Variants in KCNC1 observed in about 807,000 individuals in gnomAD.
KCNC1 encodes potassium voltage-gated channel subfamily C member 1.
In KCNC1, 8 loss-of-function variants were observed where a neutral mutation model predicts 43.4. The ratio of observed to expected loss-of-function variants is 0.18; its 90% CI spans 0.11 to 0.33. KCNC1 has a LOEUF of 0.33. Among genes scored for constraint, KCNC1 ranks in the 10% least tolerant of loss-of-function variants. The probability of loss-of-function intolerance (pLI) is 1.00; values close to 1 mark genes in which losing one functional copy is unlikely to be tolerated. For missense variants in KCNC1, 420 were observed against 836.0 expected, an observed-to-expected ratio of 0.50 and a Z score of 6.14; for synonymous variants, 361 against 360.5, an observed-to-expected ratio of 1.00 and a Z score of -0.01.
chr11:17,777,799 G>A lies in KCNC1; in HGVS notation c.1505-1657G>A, dbSNP rs201493294. On this transcript the variant is annotated intron_variant, in intron 2 of 3. Transcript: ENST00000265969. This position sits in a 1 kb window ranked among gnomAD's most constrained non-coding sequence, Gnocchi z 4.3. ...TGGGATTTTTTTGGATTTGCTTTACGAATAAATCTGATTGGTCCATTTCTC... is the reference window on the plus strand; with the variant it reads ...TGGGATTTTTTTGGATTTGCTTTACAAATAAATCTGATTGGTCCATTTCTC... The A allele has an allele frequency of 8.2e-5, 81 of 986,328 alleles. No individual in the cohort carries two copies. The African/African-American group carries it at 1.1e-3, about 14-fold the overall frequency. 61.1% of individuals were successfully genotyped at this position (986,328 alleles called of 1,614,324 possible).
intron 1 of KCNC1, among the ~76,000 whole-genome samples, chr11:17,754,233 ACT>A (rs927879832): frequency 6.6e-6 from 1 of 151,904 alleles, no homozygotes; most frequent in African/African-American, 2.4e-5. Flanking sequence ...TGTAATAAAC[ACT>A]CTGTGCAAAG....
At position 17,739,300 on chromosome 11, in the gene KCNC1, AAGAG is replaced by A. The variant is rs1257865385; in HGVS notation, c.570+2732_570+2735del. Among the ~76,000 whole-genome samples the A allele has an allele frequency of 6.6e-6, 1 of 151,946 alleles. No individual in the cohort carries two copies. The highest frequency in any genetic ancestry group is 1.5e-5 in the Non-Finnish European group (1 of 68,004). On this transcript the variant is annotated intron_variant, in intron 1 of 3. Coordinates refer to ENST00000265969, the MANE Select transcript of KCNC1 (RefSeq NM_001112741.2). The surrounding 1 kb of genome is among the most constrained non-coding windows in gnomAD (Gnocchi z 4.2). The stretch of plus-strand genomic sequence containing the variant: ...TATGTGTGAGACAGAGGCTCTTTGT[AAGAG>A]AGATTGTGTGTGAGTGTGAGAGACT...
At position 17,739,395 on chromosome 11, in the gene KCNC1, GT is replaced by G; in HGVS notation, c.570+2824del. Among the ~76,000 whole-genome samples, 1 of 113,092 alleles carries G rather than the reference GT, an allele frequency of 8.8e-6. No individual in the cohort carries two copies. The highest frequency in any genetic ancestry group is 3.1e-5 in the African/African-American group (1 of 32,338). The allele number at this position is 113,092 out of a possible 152,430, so 74.2% of individuals were successfully genotyped here. A position where few individuals can be genotyped will look rare whatever the true frequency, so the allele number is the denominator to read the frequency against. On this transcript the variant is annotated intron_variant, in intron 1 of 3. Coordinates refer to ENST00000265969, the MANE Select transcript of KCNC1 (RefSeq NM_001112741.2). This position sits in a 1 kb window ranked among gnomAD's most constrained non-coding sequence, Gnocchi z 4.2. ...TGTGTGTGTGTGTGTGTGTGTGTGT[GT>G]GTGGTGAGACTGCGACTCTGTGCGA...
At chr11:17,747,810 C>T (rs1848917705) in intron 1 of KCNC1, among the ~76,000 whole-genome samples, 2 of 152,306 alleles carry the variant, frequency 1.3e-5, no homozygotes, top group South Asian at 2.1e-4. Context: ...CCCTGGCCAG[C>T]CCCAGCCCTT....
At chr11:17,768,651 A>G (rs1849185481) in intron 1 of KCNC1, among the ~76,000 whole-genome samples, 1 of 144,044 alleles carries the variant, frequency 6.9e-6, no homozygotes, top group Admixed American at 7.2e-5. Flanking sequence ...GTCCTGGCTG[A>G]TGGGGCAGTG....
Position 17,736,437 on chromosome 11 carries a change from C to A in KCNC1, c.435C>A (p.Gly145=), listed in dbSNP as rs767598381. ...ACGGCCCTGGCGACTCGGGCGACGG[C>A]GAGGACGAGCTGGAGATGACCAAGC... is the stretch of plus-strand genomic sequence containing the variant. The part of the protein sequence containing the change: ...DADGPGDSGD[G]EDELEMTKRL... The change falls in exon 1 of 4, where the codon GGC becomes GGA. Residue 145 remains glycine, a synonymous_variant. Coordinates refer to ENST00000265969, the MANE Select transcript of KCNC1 (RefSeq NM_001112741.2). This position sits in a 1 kb window ranked among gnomAD's most constrained non-coding sequence, Gnocchi z 9.3. 1.6e-5 allele frequency: 26 copies of A among 1,605,688 alleles called. No individual in the cohort carries two copies. The highest frequency in any genetic ancestry group is 2.0e-5 in the Non-Finnish European group (24 of 1,178,132).
chr11:17,741,771 C>A (rs1054357540), intron 1 of KCNC1, among the ~76,000 whole-genome samples: 1 of 152,258 alleles, frequency 6.6e-6, no homozygotes, highest in Non-Finnish European at 1.5e-5. Flanking sequence ...AACCACCCAG[C>A]CTCGTTTCAG....
chr11:17,740,999 T>C (rs1020577522), intron 1 of KCNC1, among the ~76,000 whole-genome samples: 8 of 151,958 alleles, frequency 5.3e-5, no homozygotes, highest in African/African-American at 1.7e-4. Context: ...TATCAGGGGA[T>C]TCTAGGCAGT....
At chr11:17,745,574 C>G (rs536961718) in intron 1 of KCNC1, among the ~76,000 whole-genome samples, 1 of 152,276 alleles carries the variant, frequency 6.6e-6, no homozygotes, top group East Asian at 1.9e-4. Flanking sequence ...GCCCTCCGCT[C>G]CATCTCACGC....
In KCNC1 at chr11:17,735,673, C is replaced by T. The variant is rs1455635814; in HGVS notation, c.-330C>T. The stretch of plus-strand genomic sequence containing the variant: ...AGCCCGCCCCCCTCCCTCTTTCCCC[C>T]TCACTCCCTCCCTCCCTCCCTTTCT... On this transcript the variant is annotated 5_prime_UTR_variant, in exon 1 of 4. Coordinates refer to ENST00000265969, the MANE Select transcript of KCNC1 (RefSeq NM_001112741.2). This position sits in a 1 kb window ranked among gnomAD's most constrained non-coding sequence, Gnocchi z 6.7. The T allele has an allele frequency of 1.4e-5, 2 of 140,048 alleles. No homozygotes were observed. Among genetic ancestry groups the T allele is most frequent in the African/African-American group, 5.2e-5 (2 of 38,526 alleles). 8.7% of individuals were successfully genotyped at this position (140,048 alleles called of 1,614,324 possible).
At position 17,776,513 on chromosome 11, in the gene KCNC1, T is replaced by C; in HGVS notation, c.1505-2943T>C. 1 of 985,424 alleles carries C rather than the reference T, an allele frequency of 1.0e-6. No homozygotes were observed. The allele number at this position is 985,424 out of a possible 1,614,324, so 61.0% of individuals were successfully genotyped here. ...CTGAGGGCCCAGCCTCGGGTTCTCC[T>C]TGCTCCAAAGTTTAAAAAAAAATGA... On this transcript the variant is annotated intron_variant, in intron 2 of 3. Transcript: ENST00000265969. This position sits in a 1 kb window ranked among gnomAD's most constrained non-coding sequence, Gnocchi z 4.4.
chr11:17,744,696 G>A (rs543203525), intron 1 of KCNC1, among the ~76,000 whole-genome samples: 2 of 152,250 alleles, frequency 1.3e-5, no homozygotes, highest in South Asian at 4.2e-4. Context: ...CTTCTATGGT[G>A]TAGGGCTGCT....
Position 17,736,427 on chromosome 11 carries a change from C to G in KCNC1, c.425C>G (p.Ser142Trp). 6.2e-7 allele frequency: 1 copy of G among 1,607,102 alleles called. No individual in the cohort carries two copies. The highest frequency in any genetic ancestry group is 8.5e-7 in the Non-Finnish European group (1 of 1,178,250). Reference protein sequence around the residue: ...DDADADGPGDSGDGEDELEMT... With the variant: ...DDADADGPGDWGDGEDELEMT... ...GCGGACGCCGACGGCCCTGGCGACTCGGGCGACGGCGAGGACGAGCTGGAG... is the reference window on the plus strand; with the variant it reads ...GCGGACGCCGACGGCCCTGGCGACTGGGGCGACGGCGAGGACGAGCTGGAG... Residue 142 changes from serine to tryptophan, a missense_variant, in exon 1 of 4, where the codon TCG becomes TGG. Coordinates refer to ENST00000265969, the MANE Select transcript of KCNC1 (RefSeq NM_001112741.2). The surrounding 1 kb of genome is among the most constrained non-coding windows in gnomAD (Gnocchi z 9.3).
chr11:17,767,817 C>A (rs973408772), intron 1 of KCNC1, among the ~76,000 whole-genome samples: 1 of 152,236 alleles, frequency 6.6e-6, no homozygotes, highest in African/African-American at 2.4e-5. Flanking sequence ...GGTGTCTTTG[C>A]ACCTGGACCT....
In KCNC1 at chr11:17,736,425, C is replaced by G. The variant is rs977947782; in HGVS notation, c.423C>G (p.Asp141Glu). 2.5e-6 allele frequency: 4 copies of G among 1,607,820 alleles called. No homozygotes were observed. In the African/African-American group the frequency reaches 5.3e-5, roughly 21 times the overall value. ...ACGCGGACGCCGACGGCCCTGGCGA[C>G]TCGGGCGACGGCGAGGACGAGCTGG... is the stretch of plus-strand genomic sequence containing the variant. ...ADDADADGPGDSGDGEDELEM... is the reference protein window; with the variant it reads ...ADDADADGPGESGDGEDELEM... The change falls in exon 1 of 4, where the codon GAC becomes GAG. Residue 141 changes from aspartate to glutamate, a missense_variant. Transcript: ENST00000265969. This position sits in a 1 kb window ranked among gnomAD's most constrained non-coding sequence, Gnocchi z 9.3.
Position 17,781,508 on chromosome 11 carries a change from C to T in KCNC1, c.1694-162C>T, listed in dbSNP as rs1407500492. The T allele has an allele frequency of 1.5e-5, 9 of 606,892 alleles. No homozygotes were observed. The highest frequency in any genetic ancestry group is 1.8e-5 in the Non-Finnish European group (6 of 337,806). 37.6% of individuals were successfully genotyped at this position (606,892 alleles called of 1,614,324 possible). ...GAGGGAGAGAAAGAGGCGTGCTAGGCTGGCTCAGTGCATGGGCAAACCAAG... is the reference window on the plus strand; with the variant it reads ...GAGGGAGAGAAAGAGGCGTGCTAGGTTGGCTCAGTGCATGGGCAAACCAAG... On this transcript the variant is annotated intron_variant, in intron 3 of 3. Coordinates refer to ENST00000265969, the MANE Select transcript of KCNC1 (RefSeq NM_001112741.2). The surrounding 1 kb of genome is among the most constrained non-coding windows in gnomAD (Gnocchi z 5.1).
chr11:17,775,657 C>T, intron 2 of KCNC1: 1 of 985,734 alleles, frequency 1.0e-6, no homozygotes, highest in Non-Finnish European at 1.2e-6. Flanking sequence ...CTCCGTCCTG[C>T]CATGCCCATT....
At chr11:17,740,435 A>G (rs1848824737) in intron 1 of KCNC1, among the ~76,000 whole-genome samples, 1 of 152,002 alleles carries the variant, frequency 6.6e-6, no homozygotes, top group South Asian at 2.1e-4. Context: ...AACCAGGTGG[A>G]GAGGGCAGGG....
chr11:17,756,520 AACACACACACACACACACAC>A (rs3051818), intron 1 of KCNC1, among the ~76,000 whole-genome samples: 7 of 143,994 alleles, frequency 4.9e-5, no homozygotes, highest in South Asian at 2.4e-4. Context: ...CTTCCCTCCA[AACACACACACACACACACAC>A]ACACACACAC....
Sources: allele counts gnomAD v4.1 joint callset (sites outside exome capture counted in the v4.1 genomes callset), GRCh38; gene constraint gnomAD v4.1.1; non-coding constraint Gnocchi (gnomAD v3.1); transcripts MANE v1.5; gene names NCBI Gene and HGNC (gene_info 2026-07-23, HGNC 2026-07-21).